Variants in ANOS1 observed in about 807,000 individuals in gnomAD.
ANOS1 encodes anosmin-1.
ANOS1 carries 6 observed loss-of-function variants against 59.0 expected under a neutral mutation model. That is an observed-to-expected ratio of 0.10 (90% confidence interval 0.06 to 0.20). ANOS1 has a LOEUF of 0.20. Ranked by LOEUF, ANOS1 falls within the 10% of genes least tolerant of loss-of-function variation. The pLI is 1.00. For synonymous variants in ANOS1, 217 were observed against 223.4 expected (o/e 0.97, Z 0.25); for missense variants, 433 against 542.3 (o/e 0.80, Z 2.00).
intron 6 of ANOS1, among the ~76,000 whole-genome samples, chrX:8,581,329 T>C (rs1028615084): frequency 2.7e-5 from 3 of 111,128 alleles, no homozygotes; most frequent in Admixed American, 9.6e-5. Flanking sequence ...GTAAGAAGAG[T>C]CTTTTGCCTC....
At chrX:8,705,278 G>A (rs1335202091) in intron 1 of ANOS1, among the ~76,000 whole-genome samples, 8 of 111,531 alleles carry the variant, frequency 7.2e-5, no homozygotes. Context: ...TTCATCTTTT[G>A]CATTTATTTG....
intron 1 of ANOS1, among the ~76,000 whole-genome samples, chrX:8,712,429 T>C (rs575521890): frequency 6.1e-4 from 69 of 112,536 alleles, no homozygotes; most frequent in Non-Finnish European, 1.1e-3. Context: ...CATATGGAGT[T>C]AGAGGTGCAT....
At chrX:8,576,503 C>A (rs1457529392) in intron 6 of ANOS1, among the ~76,000 whole-genome samples, 1 of 109,330 alleles carries the variant, frequency 9.1e-6, no homozygotes, top group Non-Finnish European at 1.9e-5. Flanking sequence ...CACACACACA[C>A]ACACACACAC....
intron 2 of ANOS1, among the ~76,000 whole-genome samples, chrX:8,695,046 T>G (rs1432204314): frequency 8.9e-6 from 1 of 111,761 alleles, no homozygotes; most frequent in African/African-American, 3.3e-5. Context: ...GCATGGTGAC[T>G]CACGCCTGTA....
At chrX:8,576,588 A>G (rs1253877396) in intron 6 of ANOS1, among the ~76,000 whole-genome samples, 4 of 110,002 alleles carry the variant, frequency 3.6e-5, no homozygotes, top group Admixed American at 2.0e-4. Context: ...GGGAAACTCT[A>G]TACGTTATTA....
intron 6 of ANOS1, among the ~76,000 whole-genome samples, chrX:8,580,064 A>G (rs1405477370): frequency 8.9e-6 from 1 of 111,952 alleles, no homozygotes; most frequent in African/African-American, 3.2e-5. Flanking sequence ...GCAAATATCA[A>G]CTTATGTAGC....
intron 3 of ANOS1, among the ~76,000 whole-genome samples, chrX:8,604,598 C>T (rs1273174400): frequency 9.0e-6 from 1 of 111,687 alleles, no homozygotes; most frequent in East Asian, 2.8e-4. Context: ...GCTCCATCTA[C>T]CCAGATACAG....
At chrX:8,574,666 T>C (rs1930290741) in intron 6 of ANOS1, among the ~76,000 whole-genome samples, 1 of 111,929 alleles carries the variant, frequency 8.9e-6, no homozygotes, top group African/African-American at 3.2e-5. Context: ...TTCTTCAGCT[T>C]TGGGACTCAG....
chrX:8,689,613 C>T (rs367545713), intron 2 of ANOS1, among the ~76,000 whole-genome samples: 5 of 110,086 alleles, frequency 4.5e-5, no homozygotes, highest in African/African-American at 1.7e-4. Flanking sequence ...GAGGCTAAGG[C>T]AAGAGGATTA....
intron 1 of ANOS1, among the ~76,000 whole-genome samples, chrX:8,708,312 CA>C (rs1211587601): frequency 8.9e-6 from 1 of 111,859 alleles, no homozygotes; most frequent in African/African-American, 3.3e-5. Context: ...AAACTATCAT[CA>C]GAGTGAACAG....
chrX:8,664,396 T>C (rs1357116384), intron 2 of ANOS1, among the ~76,000 whole-genome samples: 5 of 110,435 alleles, frequency 4.5e-5, no homozygotes, highest in Admixed American at 1.9e-4. Flanking sequence ...GGTTTCACCA[T>C]GTTAGCCAGG....
chrX:8,687,628 A>ACT (rs1932544346), intron 2 of ANOS1, among the ~76,000 whole-genome samples: 1 of 108,483 alleles, frequency 9.2e-6, no homozygotes, highest in East Asian at 2.9e-4. Flanking sequence ...ACACACACAC[A>ACT]CTGATTACCC....
At chrX:8,660,032 C>CA (rs1932010019) in intron 2 of ANOS1, among the ~76,000 whole-genome samples, 1 of 111,751 alleles carries the variant, frequency 8.9e-6, no homozygotes, top group African/African-American at 3.3e-5. Flanking sequence ...CAGATGTAGG[C>CA]AGAAATGCAC....
At chrX:8,570,834 G>C in intron 6 of ANOS1, 130 bp from the exon 7 acceptor site, 3 of 606,420 alleles carry the variant, frequency 4.9e-6, no homozygotes, top group Non-Finnish European at 8.1e-6. Context: ...GGGGGTGGAG[G>C]GGCATGGTGG....
chrX:8,587,130 GT>G (rs761284188), intron 5 of ANOS1, among the ~76,000 whole-genome samples: 66 of 106,674 alleles, frequency 6.2e-4, no homozygotes, highest in East Asian at 1.4e-3. Flanking sequence ...TTGTGTGTGT[GT>G]GTGGGGGGGT....
intron 7 of ANOS1, among the ~76,000 whole-genome samples, chrX:8,570,154 A>C (rs1338701531): frequency 3.6e-5 from 4 of 111,065 alleles, no homozygotes; most frequent in East Asian, 5.6e-4. Context: ...AAAAAAAAAA[A>C]AAAACTTAAA....
chrX:8,638,412 T>C (rs906360690), intron 2 of ANOS1, among the ~76,000 whole-genome samples: 3 of 112,381 alleles, frequency 2.7e-5, no homozygotes, highest in Non-Finnish European at 3.7e-5. Context: ...TTGATTCACA[T>C]CTATGCATTG....
intron 2 of ANOS1, among the ~76,000 whole-genome samples, chrX:8,652,893 T>A (rs1011940488): frequency 9.0e-6 from 1 of 111,134 alleles, no homozygotes; most frequent in Non-Finnish European, 1.9e-5. Context: ...TCTTGCTCTG[T>A]CACCCAGGTT....
At chrX:8,681,019 G>C (rs1184523070) in intron 2 of ANOS1, among the ~76,000 whole-genome samples, 1 of 111,570 alleles carries the variant, frequency 9.0e-6, no homozygotes, top group African/African-American at 3.3e-5. Flanking sequence ...ACAAGCCTTA[G>C]TAAACAAGCC....
Sources: gnomAD v4.1 joint callset for allele counts (sites outside exome capture counted in the v4.1 genomes callset) on GRCh38, gnomAD v4.1.1 for gene constraint, MANE v1.5 for transcripts, NCBI Gene and HGNC (gene_info 2026-07-23, HGNC 2026-07-21) for gene names.